PRDM6: variants seen among roughly 807,000 people sequenced by gnomAD.
PRDM6 encodes the protein PR/SET domain 6, also known as putative histone-lysine N-methyltransferase PRDM6.
A neutral mutation model predicts 60.8 loss-of-function variants in PRDM6; 25 were observed. The ratio of observed to expected loss-of-function variants is 0.41; its 90% CI spans 0.30 to 0.57. The LOEUF (loss-of-function observed/expected upper bound fraction) is 0.57. Among genes scored for constraint, PRDM6 ranks in the 20% least tolerant of loss-of-function variants. PRDM6 has a pLI of 0.27. For synonymous variants in PRDM6, 407 were observed against 357.4 expected (o/e 1.14, Z -1.57); for missense variants, 839 against 821.3 (o/e 1.02, Z -0.26).
In PRDM6 at chr5:123,090,532, TG is replaced by T. The variant is rs1318075081; in HGVS notation, c.520del (p.Asp174ThrfsTer119). 1 of 1,514,984 alleles carries T rather than the reference TG, an allele frequency of 6.6e-7. No homozygotes were observed. The highest frequency in any genetic ancestry group is 8.8e-7 in the Non-Finnish European group (1 of 1,139,708). The allele number at this position is 1,514,984 out of a possible 1,614,324, so 93.8% of individuals were successfully genotyped here. A position where few individuals can be genotyped will look rare whatever the true frequency, so the allele number is the denominator to read the frequency against. ...CGCTTCCGCTGCAGCGCAGAGGAGC[TG>T]GACTATTACCTGTATGGCCAGCAGC... The part of the protein sequence containing the change: ...APRFRCSAEE[L>X]DYYLYGQQRM... On this transcript the variant is annotated frameshift_variant, in exon 2 of 8. Coordinates refer to ENST00000407847, the MANE Select transcript of PRDM6 (RefSeq NM_001136239.4). LOFTEE classifies it high-confidence loss of function.
chr5:123,167,447 T>C (rs1207238192), intron 5 of PRDM6, among the ~76,000 whole-genome samples: 6 of 152,020 alleles, frequency 3.9e-5, no homozygotes, highest in Non-Finnish European at 1.5e-5. Context: ...TGGAGTGCAA[T>C]GGCACGGTCT....
At chr5:123,089,842 C>T (rs1301887221) in intron 1 of PRDM6, among the ~76,000 whole-genome samples, 158 bp from the exon 2 acceptor site, 1 of 152,136 alleles carries the variant, frequency 6.6e-6, no homozygotes, top group Non-Finnish European at 1.5e-5. Flanking sequence ...TCGGAGTAAA[C>T]TTTGCGCCCA....
chr5:123,098,333 G>C (rs1373168514), intron 2 of PRDM6, among the ~76,000 whole-genome samples: 3 of 152,242 alleles, frequency 2.0e-5, no homozygotes, highest in Non-Finnish European at 4.4e-5. Flanking sequence ...TGACACTTGC[G>C]CGGGGTCGCC....
At chr5:123,157,024 A>G (rs1452020468) in intron 4 of PRDM6, among the ~76,000 whole-genome samples, 1 of 151,782 alleles carries the variant, frequency 6.6e-6, no homozygotes, top group Non-Finnish European at 1.5e-5. Flanking sequence ...TGTGCTCAGC[A>G]ACTTGGAGTC....
chr5:123,156,080 TG>T (rs1176562023), intron 4 of PRDM6, 69 bp downstream of exon 4: 17 of 1,427,070 alleles, frequency 1.2e-5, no homozygotes, highest in Admixed American at 8.0e-5. Context: ...AATTCAGGCT[TG>T]CCACTGGTGG....
At chr5:123,119,874 A>T (rs467221) in intron 3 of PRDM6, among the ~76,000 whole-genome samples, 4 of 152,202 alleles carry the variant, frequency 2.6e-5, no homozygotes, top group South Asian at 2.1e-4. Flanking sequence ...AAAATACATG[A>T]GTGGTTATAC....
chr5:123,143,543 T>C (rs1200093353), intron 3 of PRDM6, among the ~76,000 whole-genome samples: 1 of 152,146 alleles, frequency 6.6e-6, no homozygotes, highest in Non-Finnish European at 1.5e-5. Flanking sequence ...GTTGACGGGA[T>C]CTCTTGGTTA....
chr5:123,091,312 C>T (rs1561793948), intron 2 of PRDM6, among the ~76,000 whole-genome samples: 2 of 152,214 alleles, frequency 1.3e-5, no homozygotes, highest in Admixed American at 6.5e-5. Flanking sequence ...CCGCTGATCC[C>T]GCTTTATCCG....
intron 3 of PRDM6, among the ~76,000 whole-genome samples, chr5:123,103,892 A>G (rs550084454): frequency 6.6e-6 from 1 of 152,216 alleles, no homozygotes; most frequent in South Asian, 2.1e-4. Flanking sequence ...ACCCTAGAAA[A>G]ATTATCCTGC....
intron 3 of PRDM6, among the ~76,000 whole-genome samples, chr5:123,107,270 T>C (rs1457719913): frequency 6.6e-6 from 1 of 152,250 alleles, no homozygotes; most frequent in Non-Finnish European, 1.5e-5. Flanking sequence ...AATTCAATAA[T>C]GTATTTATTT....
intron 6 of PRDM6, among the ~76,000 whole-genome samples, chr5:123,172,696 G>A (rs1298682177): frequency 1.3e-5 from 2 of 152,182 alleles, no homozygotes; most frequent in Middle Eastern, 3.4e-3. Flanking sequence ...TATTTGCAAA[G>A]GTTCATTATA....
chr5:123,138,027 A>ACC (rs55805567), intron 3 of PRDM6, among the ~76,000 whole-genome samples: 23,202 of 151,208 alleles, frequency 0.15, 2,205 homozygotes, highest in Non-Finnish European at 0.22. Context: ...CTCTGGGTTC[A>ACC]CCCCCGCACC....
In PRDM6 at chr5:123,180,214, A is replaced by G; in HGVS notation, c.1564A>G (p.Thr522Ala). Residue 522 changes from threonine (T) to alanine (A), a missense_variant, in exon 7 of 8, where the codon ACT becomes GCT. Thr to Ala is a moderately conservative substitution (Grantham distance 58). Coordinates refer to ENST00000407847, the MANE Select transcript of PRDM6 (RefSeq NM_001136239.4). ...TTCAGAACTGAGGAACCACGTGGTC[A>G]CTCACTCTAGTGACCGGCCTTTCAA... is the stretch of plus-strand genomic sequence containing the variant. ...QPSELRNHVV[T>A]HSSDRPFKCG... 2 of 1,552,088 alleles carry G rather than the reference A, an allele frequency of 1.3e-6. No homozygotes were observed. The highest frequency in any genetic ancestry group is 8.7e-7 in the Non-Finnish European group (1 of 1,147,064).
intron 3 of PRDM6, among the ~76,000 whole-genome samples, chr5:123,133,139 T>G (rs765509834): frequency 1.4e-4 from 21 of 152,100 alleles, no homozygotes; most frequent in Non-Finnish European, 2.6e-4. Context: ...CCTGTGAATA[T>G]GAAAGTAAAA....
Position 123,090,225 on chromosome 5 carries a change from C to G in PRDM6, c.211C>G (p.Pro71Ala). The G allele has an allele frequency of 6.8e-7, 1 of 1,474,922 alleles. No homozygotes were observed. The highest frequency in any genetic ancestry group is 9.0e-7 in the Non-Finnish European group (1 of 1,114,432). The allele number at this position is 1,474,922 out of a possible 1,614,324, so 91.4% of individuals were successfully genotyped here. ...TGAGCCTCCGCCGGACAGCCTGCGC[C>G]CGCGGCCCGCCTCTCTCTCCTCCGC... ...RAEPPPDSLR[P>A]RPASLSSASS... The change falls in exon 2 of 8, where the codon CCG becomes GCG. Residue 71 changes from proline to alanine, a missense_variant. This residue lies in a region of PRDM6 where 730 missense variants were observed against 648.8 expected (regional missense o/e 1.13). Transcript: ENST00000407847.
Position 123,099,600 on chromosome 5 carries a change from CG to C in PRDM6, c.593-50del. 4 of 1,405,120 alleles carry C rather than the reference CG, an allele frequency of 2.8e-6. No individual in the cohort carries two copies. The highest frequency in any genetic ancestry group is 3.7e-6 in the Non-Finnish European group (4 of 1,073,852). The allele number at this position is 1,405,120 out of a possible 1,614,324, so 87.0% of individuals were successfully genotyped here. On this transcript the variant is annotated intron_variant, in intron 2 of 7. Transcript: ENST00000407847. This position sits in a 1 kb window ranked among gnomAD's most constrained non-coding sequence, Gnocchi z 4.0. ...GGAGTTTACTCAAAGATGGGCCGCT[CG>C]GGGCGGCCGGATTAACCCGCTCCCT...
intron 3 of PRDM6, among the ~76,000 whole-genome samples, chr5:123,129,479 T>C (rs1266853577): frequency 1.3e-5 from 2 of 152,200 alleles, no homozygotes; most frequent in African/African-American, 4.8e-5. Flanking sequence ...CTCTGAGGGA[T>C]TTCTTATAGA....
intron 3 of PRDM6, among the ~76,000 whole-genome samples, chr5:123,102,675 C>T (rs1764130111): frequency 6.6e-6 from 1 of 152,040 alleles, no homozygotes; most frequent in South Asian, 2.1e-4. Context: ...TAAAAGGCAA[C>T]TGTAATCATT....
intron 2 of PRDM6, among the ~76,000 whole-genome samples, chr5:123,095,341 C>T (rs993089309): frequency 8.5e-5 from 13 of 152,238 alleles, no homozygotes; most frequent in Non-Finnish European, 1.6e-4. Context: ...GGCGCCCCAC[C>T]CCGCCCATCG....
Sources: allele counts gnomAD v4.1 joint callset (sites outside exome capture counted in the v4.1 genomes callset), GRCh38; gene constraint gnomAD v4.1.1; regional missense constraint gnomAD v4.1.1; non-coding constraint Gnocchi (gnomAD v3.1); transcripts MANE v1.5; gene names NCBI Gene and HGNC (gene_info 2026-07-23, HGNC 2026-07-21).